The following SORCS2 variants were observed in gnomAD, a reference collection of about 807,000 sequenced individuals.
SORCS2 encodes the protein sortilin related VPS10 domain containing receptor 2.
SORCS2 carries 100 observed loss-of-function variants against 141.6 expected under a neutral mutation model. The ratio of observed to expected loss-of-function variants is 0.71; its 90% CI spans 0.60 to 0.83. The LOEUF is 0.83. Among genes scored for constraint, SORCS2 ranks in the 40% least tolerant of loss-of-function variants. The pLI, the probability that SORCS2 is intolerant of heterozygous loss-of-function variation, is 0.00. For synonymous variants in SORCS2, 789 were observed against 676.9 expected, an observed-to-expected ratio of 1.17 and a Z score of -2.57; for missense variants, 1,646 against 1,560.2, an observed-to-expected ratio of 1.05 and a Z score of -0.93.
In SORCS2 at chr4:7,452,675, C is replaced by T. The variant is rs545948685; in HGVS notation, c.548+56320C>T. Among the ~76,000 whole-genome samples the T allele has an allele frequency of 3.9e-5, 6 of 152,346 alleles. No individual in the cohort carries two copies. The East Asian group carries it at 5.8e-4, about 15-fold the overall frequency. Reference sequence around the variant, plus strand: ...GCCACATGCCCAGCAGCTGGCTTACCACTCTGTGCCTCAGTTTCTGCCTCT... The same window carrying T: ...GCCACATGCCCAGCAGCTGGCTTACTACTCTGTGCCTCAGTTTCTGCCTCT... On this transcript the variant is annotated intron_variant, in intron 2 of 26. Transcript: ENST00000507866.
intron 11 of SORCS2, among the ~76,000 whole-genome samples, chr4:7,691,772 T>C (rs531783169): frequency 4.4e-4 from 67 of 152,216 alleles, no homozygotes; most frequent in African/African-American, 1.5e-3. Flanking sequence ...TAAAATGCAC[T>C]GTCTTGATTC....
At chr4:7,253,826 T>A (rs1713666082) in intron 1 of SORCS2, among the ~76,000 whole-genome samples, 1 of 152,182 alleles carries the variant, frequency 6.6e-6, no homozygotes, top group South Asian at 2.1e-4. Context: ...CGGGATTCCG[T>A]GGATGGAATT....
At chr4:7,726,288 G>A (rs535782182) in intron 20 of SORCS2, among the ~76,000 whole-genome samples, 21 of 152,366 alleles carry the variant, frequency 1.4e-4, no homozygotes, top group African/African-American at 4.3e-4. Context: ...GGCCTGGGGA[G>A]CTGTTGAGAA....
chr4:7,569,882 T>C (rs1577767957), intron 3 of SORCS2, among the ~76,000 whole-genome samples: 1 of 152,168 alleles, frequency 6.6e-6, no homozygotes, highest in Non-Finnish European at 1.5e-5. Flanking sequence ...ACTGGGTGGA[T>C]GTGGCCTCTC....
chr4:7,533,477 C>G (rs1279823093), intron 3 of SORCS2, among the ~76,000 whole-genome samples: 6 of 152,240 alleles, frequency 3.9e-5, no homozygotes, highest in Non-Finnish European at 7.3e-5. Context: ...TCCTGTCCAT[C>G]CAGCCGATCT....
At chr4:7,433,181 G>A (rs1057219140) in intron 2 of SORCS2, 5 of 955,062 alleles carry the variant, frequency 5.2e-6, no homozygotes, top group African/African-American at 3.3e-5. Context: ...GGAATACTTG[G>A]TTTTGAACTT....
intron 3 of SORCS2, among the ~76,000 whole-genome samples, chr4:7,598,924 G>T (rs1469154137): frequency 1.3e-5 from 2 of 152,172 alleles, no homozygotes; most frequent in Non-Finnish European, 2.9e-5. Context: ...GTGCCATGGG[G>T]GCCTTGCTGG....
chr4:7,394,547 G>C (rs574362506), intron 1 of SORCS2, among the ~76,000 whole-genome samples: 1 of 145,458 alleles, frequency 6.9e-6, no homozygotes, highest in Admixed American at 7.0e-5. Context: ...GCATCCCAGG[G>C]TGAGGAACGC....
chr4:7,363,463 C>T (rs533135651), intron 1 of SORCS2, among the ~76,000 whole-genome samples: 13 of 144,402 alleles, frequency 9.0e-5, no homozygotes, highest in African/African-American at 3.6e-4. Context: ...GGTGTATCAC[C>T]ATTACCATCA....
chr4:7,525,559 C>T (rs1577696651), intron 2 of SORCS2, among the ~76,000 whole-genome samples: 1 of 152,046 alleles, frequency 6.6e-6, no homozygotes, highest in African/African-American at 2.4e-5. Flanking sequence ...TCCATGTCAC[C>T]TGGTGTCCCC....
chr4:7,728,510 C>A, intron 22 of SORCS2, 48 bp downstream of exon 22: 2 of 1,430,386 alleles, frequency 1.4e-6, no homozygotes, highest in Non-Finnish European at 9.5e-7. Context: ...GTGCTTCCGG[C>A]ATCCAGAGAA....
chr4:7,697,996 G>A (rs896701579), intron 12 of SORCS2, among the ~76,000 whole-genome samples: 1 of 152,134 alleles, frequency 6.6e-6, no homozygotes, highest in Middle Eastern at 3.2e-3. Flanking sequence ...TGGCCCTCAG[G>A]GTGTGGAGAA....
At chr4:7,626,742 C>T (rs1410083874) in intron 3 of SORCS2, among the ~76,000 whole-genome samples, 2 of 152,166 alleles carry the variant, frequency 1.3e-5, no homozygotes, top group Non-Finnish European at 2.9e-5. Context: ...TGTTTTCCTT[C>T]CTGTCTTTTG....
At chr4:7,299,632 C>G (rs948225370) in intron 1 of SORCS2, among the ~76,000 whole-genome samples, 1 of 152,318 alleles carries the variant, frequency 6.6e-6, no homozygotes, top group Middle Eastern at 3.4e-3. Flanking sequence ...GAAGGGAGCA[C>G]GTCTCATCCC....
chr4:7,299,107 G>T (rs968038373), intron 1 of SORCS2, among the ~76,000 whole-genome samples: 2 of 152,264 alleles, frequency 1.3e-5, no homozygotes, highest in African/African-American at 4.8e-5. Flanking sequence ...GGTGAGACAG[G>T]CTGGGGGAGG....
chr4:7,684,701 C>T (rs1305157733), intron 10 of SORCS2, among the ~76,000 whole-genome samples: 1 of 152,208 alleles, frequency 6.6e-6, no homozygotes, highest in Non-Finnish European at 1.5e-5. Context: ...TTGCAATGTG[C>T]CAGGCACTGT....
intron 1 of SORCS2, among the ~76,000 whole-genome samples, chr4:7,384,410 G>A (rs113136359): frequency 3.3e-5 from 5 of 152,128 alleles, no homozygotes; most frequent in African/African-American, 1.2e-4. Flanking sequence ...GGCATCTTGG[G>A]TGAGGCATCC....
intron 1 of SORCS2, among the ~76,000 whole-genome samples, chr4:7,296,193 C>T (rs956377064): frequency 1.5e-4 from 23 of 152,204 alleles, no homozygotes; most frequent in South Asian, 2.1e-4. Context: ...CTCTGGGGTG[C>T]CCCCATCTTC....
intron 1 of SORCS2, among the ~76,000 whole-genome samples, chr4:7,222,391 A>G (rs1316024476): frequency 1.3e-5 from 2 of 152,224 alleles, no homozygotes; most frequent in Admixed American, 1.3e-4. Context: ...ACGAACAGCC[A>G]CATACTGTAT....
Sources: allele counts gnomAD v4.1 joint callset (sites outside exome capture counted in the v4.1 genomes callset), GRCh38; gene constraint gnomAD v4.1.1; transcripts MANE v1.5; gene names NCBI Gene and HGNC (gene_info 2026-07-23, HGNC 2026-07-21).